TRPC4: variants seen among roughly 807,000 people sequenced by gnomAD.
TRPC4 encodes the protein transient receptor potential cation channel subfamily C member 4.
TRPC4 carries 49 observed loss-of-function variants against 99.4 expected under a neutral mutation model. The ratio of observed to expected loss-of-function variants is 0.49; its 90% CI spans 0.39 to 0.63. TRPC4 has a LOEUF of 0.63. Among genes scored for constraint, TRPC4 ranks in the 20% least tolerant of loss-of-function variants. TRPC4 has a pLI of 0.00. For missense variants in TRPC4, 898 were observed against 1,152.9 expected (o/e 0.78, Z 3.20); for synonymous variants, 454 against 425.9 (o/e 1.07, Z -0.81).
rs548822384 is a variant in TRPC4, at chr13:37,712,933, A to T, written c.898-20598T>A. Among the ~76,000 whole-genome samples, 6 of 152,328 alleles carry T rather than the reference A, an allele frequency of 3.9e-5. No homozygotes were observed. In the East Asian group the frequency reaches 1.2e-3, roughly 29 times the overall value. On this transcript the variant is annotated intron_variant, in intron 3 of 10. Coordinates refer to ENST00000379705, the MANE Select transcript of TRPC4 (RefSeq NM_016179.4). ...ACTTCCAACATTGAAGATGCACATGACTGAAAAAAGTTGAACAGACAAAAC... is the reference window on the plus strand; with the variant it reads ...ACTTCCAACATTGAAGATGCACATGTCTGAAAAAAGTTGAACAGACAAAAC...
intron 4 of TRPC4, among the ~76,000 whole-genome samples, chr13:37,683,234 C>A (rs960353085): frequency 1.3e-5 from 2 of 152,068 alleles, no homozygotes; most frequent in Non-Finnish European, 2.9e-5. Flanking sequence ...CCTGCTGGGG[C>A]ATCTGTTTGG....
At chr13:37,761,137 A>G (rs1956211250) in intron 2 of TRPC4, among the ~76,000 whole-genome samples, 2 of 151,976 alleles carry the variant, frequency 1.3e-5, no homozygotes, top group African/African-American at 4.8e-5. Flanking sequence ...AAGTGCAAAT[A>G]TACTTGGAGT....
rs190937964 is a variant in TRPC4, at chr13:37,863,828, C to T, written c.-28+5767G>A. Among the ~76,000 whole-genome samples, 8 of 151,756 alleles carry T rather than the reference C, an allele frequency of 5.3e-5. No individual in the cohort carries two copies. In the South Asian group the frequency reaches 1.4e-3, roughly 28 times the overall value. The stretch of plus-strand genomic sequence containing the variant: ...GTGTTAAAGAGGTTGAGCATAGCAG[C>T]TGATGACAGACCAATTCAATCATCT... On this transcript the variant is annotated intron_variant, in intron 1 of 10. Transcript: ENST00000379705.
chr13:37,633,938 C>T lies in TRPC4; in HGVS notation c.*2965G>A, dbSNP rs376060589. On this transcript the variant is annotated 3_prime_UTR_variant, in exon 11 of 11. Transcript: ENST00000379705. ...AACCTTTATTACGAATAATGAGGTA[C>T]ATCTTTATAGCATACTTTCTTATAA... is the stretch of plus-strand genomic sequence containing the variant. Among the ~76,000 whole-genome samples the T allele has an allele frequency of 6.6e-6, 1 of 152,026 alleles. No homozygotes were observed. The highest frequency in any genetic ancestry group is 2.4e-5 in the African/African-American group (1 of 41,424).
intron 3 of TRPC4, among the ~76,000 whole-genome samples, chr13:37,714,346 C>T (rs1158523770): frequency 2.6e-5 from 4 of 152,030 alleles, no homozygotes; most frequent in African/African-American, 9.7e-5. Context: ...AGACTGGTCT[C>T]GAACTCCTGA....
chr13:37,749,138 G>C (rs1955865129), intron 2 of TRPC4, among the ~76,000 whole-genome samples: 1 of 151,950 alleles, frequency 6.6e-6, no homozygotes, highest in African/African-American at 2.4e-5. Context: ...CTCTCCTGCT[G>C]CCATGTAAGA....
intron 4 of TRPC4, among the ~76,000 whole-genome samples, chr13:37,685,026 G>T (rs1207157212): frequency 6.6e-6 from 1 of 152,060 alleles, no homozygotes; most frequent in African/African-American, 2.4e-5. Context: ...TTAGAAAAAA[G>T]GCAGTGATGA....
At chr13:37,649,894 T>C (rs1951984623) in intron 8 of TRPC4, among the ~76,000 whole-genome samples, 1 of 152,178 alleles carries the variant, frequency 6.6e-6, no homozygotes, top group South Asian at 2.1e-4. Context: ...GATGGCAGGA[T>C]AAGGCTTTGT....
intron 4 of TRPC4, among the ~76,000 whole-genome samples, chr13:37,684,085 T>C (rs1953365031): frequency 6.6e-6 from 1 of 152,216 alleles, no homozygotes; most frequent in African/African-American, 2.4e-5. Flanking sequence ...ATTATGAAAT[T>C]TGACTTCCAG....
intron 1 of TRPC4, among the ~76,000 whole-genome samples, chr13:37,792,390 T>C (rs1957143210): frequency 1.3e-5 from 2 of 152,160 alleles, no homozygotes; most frequent in African/African-American, 4.8e-5. Context: ...AGAAGGTTTT[T>C]AGGAATATAT....
intron 2 of TRPC4, among the ~76,000 whole-genome samples, chr13:37,763,767 C>T (rs1956286250): frequency 6.6e-6 from 1 of 151,710 alleles, no homozygotes; most frequent in African/African-American, 2.4e-5. Flanking sequence ...AGGGAAGTAA[C>T]ATCACAAAGG....
chr13:37,849,300 A>G (rs1196557527), intron 1 of TRPC4, among the ~76,000 whole-genome samples: 1 of 152,222 alleles, frequency 6.6e-6, no homozygotes, highest in African/African-American at 2.4e-5. Context: ...TATTGATACA[A>G]AAAAACAACT....
chr13:37,809,123 A>G (rs1238999926), intron 1 of TRPC4, among the ~76,000 whole-genome samples: 1 of 152,124 alleles, frequency 6.6e-6, no homozygotes, highest in Non-Finnish European at 1.5e-5. Flanking sequence ...ACTTTCCTCA[A>G]ACTCTAAGTG....
intron 6 of TRPC4, among the ~76,000 whole-genome samples, chr13:37,655,831 T>C (rs1952211250): frequency 6.6e-6 from 1 of 152,130 alleles, no homozygotes; most frequent in Non-Finnish European, 1.5e-5. Flanking sequence ...TCATAGAACA[T>C]TTGTCAATCT....
At chr13:37,755,978 A>G (rs1039626711) in intron 2 of TRPC4, among the ~76,000 whole-genome samples, 1 of 152,096 alleles carries the variant, frequency 6.6e-6, no homozygotes, top group Admixed American at 6.6e-5. Context: ...ACTTAAAAAA[A>G]CCCCTCAGGA....
At chr13:37,785,111 G>T (rs913981133) in intron 1 of TRPC4, among the ~76,000 whole-genome samples, 3 of 152,056 alleles carry the variant, frequency 2.0e-5, no homozygotes, top group African/African-American at 7.2e-5. Flanking sequence ...TTATATTATA[G>T]AATATCAAGG....
chr13:37,756,354 T>C (rs562756229), intron 2 of TRPC4, among the ~76,000 whole-genome samples: 6 of 152,236 alleles, frequency 3.9e-5, no homozygotes, highest in African/African-American at 1.4e-4. Flanking sequence ...ACTTCTGCTT[T>C]AAAAGACTAA....
At chr13:37,648,991 C>T (rs1951936252) in intron 8 of TRPC4, among the ~76,000 whole-genome samples, 1 of 100,442 alleles carries the variant, frequency 1.0e-5, no homozygotes. Flanking sequence ...ATACATATTT[C>T]TTTGGTGAGT....
chr13:37,829,803 G>T (rs1958361793), intron 1 of TRPC4, among the ~76,000 whole-genome samples: 1 of 152,146 alleles, frequency 6.6e-6, no homozygotes, highest in Admixed American at 6.6e-5. Context: ...CTGTCATTCA[G>T]CAATAAAAAT....
Sources: gnomAD v4.1 joint callset for allele counts (sites outside exome capture counted in the v4.1 genomes callset) on GRCh38, gnomAD v4.1.1 for gene constraint, MANE v1.5 for transcripts, NCBI Gene and HGNC (gene_info 2026-07-23, HGNC 2026-07-21) for gene names.